Variants in KIAA1958 observed in about 807,000 individuals in gnomAD.
The protein encoded by KIAA1958 is uncharacterized protein KIAA1958.
In KIAA1958, 14 loss-of-function variants were observed where a neutral mutation model predicts 47.2. That is an observed-to-expected ratio of 0.30 (90% CI 0.20 to 0.46). KIAA1958 has a LOEUF of 0.46. KIAA1958 is among the 20% of genes least tolerant of loss of function. The probability of loss-of-function intolerance (pLI) is 1.00; values close to 1 mark genes in which losing one functional copy is unlikely to be tolerated. For missense variants in KIAA1958, 803 were observed against 909.2 expected (o/e 0.88, Z 1.50); for synonymous variants, 354 against 353.3 (o/e 1.00, Z -0.02).
Position 112,666,306 on chromosome 9 carries a change from A to T in KIAA1958, c.*6237A>T, listed in dbSNP as rs1837350405. 1 of 152,196 alleles carries T rather than the reference A, an allele frequency of 6.6e-6. No individual in the cohort carries two copies. Among genetic ancestry groups the T allele is most frequent in the South Asian group, 2.1e-4 (1 of 4,816 alleles). The allele number at this position is 152,196 out of a possible 1,614,324, so 9.4% of individuals were successfully genotyped here. A position where few individuals can be genotyped will look rare whatever the true frequency, so the allele number is the denominator to read the frequency against. ...CGGGGCATATTTATTTTCTCTTTGG[A>T]GACTTACAAAGCAATAGGTTATATG... On this transcript the variant is annotated 3_prime_UTR_variant, in exon 4 of 4. Transcript: ENST00000337530.
intron 3 of KIAA1958, among the ~76,000 whole-genome samples, chr9:112,648,903 C>T (rs1322037307): frequency 6.6e-6 from 1 of 152,044 alleles, no homozygotes; most frequent in African/African-American, 2.4e-5. Flanking sequence ...CCATCAAAAC[C>T]AGGCCAGAAC....
At chr9:112,508,935 A>G (rs1216650423) in intron 1 of KIAA1958, among the ~76,000 whole-genome samples, 1 of 152,224 alleles carries the variant, frequency 6.6e-6, no homozygotes, top group Non-Finnish European at 1.5e-5. Context: ...ATGAGCAAAC[A>G]TAGCCTGCAT....
chr9:112,641,293 G>T (rs1205360398), intron 2 of KIAA1958, among the ~76,000 whole-genome samples: 3 of 144,986 alleles, frequency 2.1e-5, no homozygotes, highest in African/African-American at 7.6e-5. Context: ...TTCATTTACA[G>T]TCTTTTTCCC....
At chr9:112,521,713 A>G (rs991364843) in intron 1 of KIAA1958, among the ~76,000 whole-genome samples, 5 of 152,128 alleles carry the variant, frequency 3.3e-5, no homozygotes, top group Admixed American at 6.6e-5. Context: ...AAAAGAATAT[A>G]TATTCTGTAT....
intron 1 of KIAA1958, among the ~76,000 whole-genome samples, chr9:112,501,071 A>G (rs963590795): frequency 9.2e-5 from 14 of 152,028 alleles, no homozygotes; most frequent in Non-Finnish European, 1.8e-4. Flanking sequence ...GCTGCAGTGA[A>G]CTGTGATCAT....
intron 2 of KIAA1958, among the ~76,000 whole-genome samples, chr9:112,611,943 T>C (rs1408732251): frequency 6.6e-6 from 1 of 151,960 alleles, no homozygotes; most frequent in Non-Finnish European, 1.5e-5. Flanking sequence ...CATTTAGGAA[T>C]TTAGCATATG....
At chr9:112,582,226 G>C (rs1002166801) in intron 2 of KIAA1958, among the ~76,000 whole-genome samples, 1 of 152,152 alleles carries the variant, frequency 6.6e-6, no homozygotes, top group Non-Finnish European at 1.5e-5. Flanking sequence ...ATTTTTAAAT[G>C]ACTAGAGAAG....
chr9:112,620,780 T>G (rs1836492072), intron 2 of KIAA1958, among the ~76,000 whole-genome samples: 1 of 151,810 alleles, frequency 6.6e-6, no homozygotes, highest in South Asian at 2.1e-4. Context: ...TAAGTCATAG[T>G]TACTAATCTT....
At chr9:112,497,590 C>G (rs1223596157) in intron 1 of KIAA1958, among the ~76,000 whole-genome samples, 1 of 152,150 alleles carries the variant, frequency 6.6e-6, no homozygotes, top group Non-Finnish European at 1.5e-5. Context: ...AATGAATCCA[C>G]TGACATTGAT....
intron 2 of KIAA1958, among the ~76,000 whole-genome samples, chr9:112,639,358 C>T (rs1479967421): frequency 1.3e-5 from 2 of 152,146 alleles, no homozygotes; most frequent in Non-Finnish European, 2.9e-5. Flanking sequence ...CCTATAATGC[C>T]CTGCACTGGG....
At chr9:112,658,756 G>A (rs552830281) in intron 3 of KIAA1958, among the ~76,000 whole-genome samples, 58 of 151,924 alleles carry the variant, frequency 3.8e-4, no homozygotes, top group African/African-American at 1.4e-3. Context: ...TCAGGAGATC[G>A]AGACCATCCT....
intron 1 of KIAA1958, among the ~76,000 whole-genome samples, chr9:112,545,513 A>C (rs1835013137): frequency 6.6e-6 from 1 of 152,184 alleles, no homozygotes; most frequent in Non-Finnish European, 1.5e-5. Context: ...ATATTTTTGT[A>C]CTTTTTTTGA....
chr9:112,588,577 G>T (rs1334287571), intron 2 of KIAA1958, among the ~76,000 whole-genome samples: 1 of 152,158 alleles, frequency 6.6e-6, no homozygotes, highest in Non-Finnish European at 1.5e-5. Flanking sequence ...ACTAAAATGT[G>T]CAGAAGTGTA....
At chr9:112,590,350 C>CT (rs893352438) in intron 2 of KIAA1958, among the ~76,000 whole-genome samples, 4,563 of 134,284 alleles carry the variant, frequency 0.034, 203 homozygotes, top group African/African-American at 0.089. Context: ...AGACACCCTT[C>CT]TTTTTTTTTT....
chr9:112,644,668 C>T (rs775161597), intron 2 of KIAA1958, among the ~76,000 whole-genome samples: 1 of 152,098 alleles, frequency 6.6e-6, no homozygotes, highest in Non-Finnish European at 1.5e-5. Context: ...CAAGTTAAAC[C>T]ATGTTCCCTT....
intron 2 of KIAA1958, among the ~76,000 whole-genome samples, chr9:112,620,996 C>T (rs1836495634): frequency 6.6e-6 from 1 of 152,036 alleles, no homozygotes; most frequent in Non-Finnish European, 1.5e-5. Flanking sequence ...ATTTTATGGT[C>T]AGGTCAAGAT....
In KIAA1958 at chr9:112,662,455, T is replaced by TACACACAC. The variant is rs150466616; in HGVS notation, c.*2391_*2398dup. The TACACACAC allele has an allele frequency of 0.091, 13,024 of 143,312 alleles. 695 individuals are homozygous for TACACACAC. The highest frequency in any genetic ancestry group is 0.12 in the Non-Finnish European group (8,261 of 66,734). 8.9% of individuals were successfully genotyped at this position (143,312 alleles called of 1,614,324 possible). On this transcript the variant is annotated 3_prime_UTR_variant, in exon 4 of 4. Transcript: ENST00000337530. ...ACACAAACACATATACATAAGTGTTTACACACACACACGCACAATATGTGG... is the reference window on the plus strand; with the variant it reads ...ACACAAACACATATACATAAGTGTTTACACACACACACACACACACGCACAATATGTGG...
chr9:112,534,035 G>A (rs1485059237), intron 1 of KIAA1958, among the ~76,000 whole-genome samples: 1 of 152,200 alleles, frequency 6.6e-6, no homozygotes, highest in Non-Finnish European at 1.5e-5. Flanking sequence ...ATTGGCTTGA[G>A]TTTGAAGCCT....
At chr9:112,592,588 A>T (rs1357030944) in intron 2 of KIAA1958, among the ~76,000 whole-genome samples, 1 of 152,226 alleles carries the variant, frequency 6.6e-6, no homozygotes, top group Non-Finnish European at 1.5e-5. Context: ...ATACGTAGTC[A>T]GTGATTGATA....
Sources: gnomAD v4.1 joint callset for allele counts (sites outside exome capture counted in the v4.1 genomes callset) on GRCh38, gnomAD v4.1.1 for gene constraint, MANE v1.5 for transcripts, NCBI Gene and HGNC (gene_info 2026-07-23, HGNC 2026-07-21) for gene names.